The following MYO3B variants were observed in gnomAD, a reference collection of about 807,000 sequenced individuals.
MYO3B encodes the protein myosin-IIIb.
MYO3B carries 156 observed loss-of-function variants against 174.6 expected under a neutral mutation model. The observed-to-expected ratio is 0.89, with a 90% CI of 0.78 to 1.02. The LOEUF is 1.02. Ranked by LOEUF, MYO3B falls within the 50% of genes least tolerant of loss-of-function variation. The pLI is 0.00. For synonymous variants in MYO3B, 563 were observed against 569.1 expected, an observed-to-expected ratio of 0.99 and a Z score of 0.15; for missense variants, 1,632 against 1,639.4, an observed-to-expected ratio of 1.00 and a Z score of 0.08.
chr2:170,252,821 G>A (rs369119858), intron 7 of MYO3B, among the ~76,000 whole-genome samples: 2 of 152,134 alleles, frequency 1.3e-5, no homozygotes, highest in African/African-American at 4.8e-5. Flanking sequence ...GCCACATTTG[G>A]AGGAAACATA....
At chr2:170,581,041 A>G (rs193003238) in intron 32 of MYO3B, among the ~76,000 whole-genome samples, 1 of 152,276 alleles carries the variant, frequency 6.6e-6, no homozygotes, top group East Asian at 1.9e-4. Context: ...ATATCTCCCT[A>G]GGAAGGAATT....
chr2:170,230,853 G>T (rs926847039), intron 6 of MYO3B, among the ~76,000 whole-genome samples: 1 of 152,116 alleles, frequency 6.6e-6, no homozygotes. Flanking sequence ...TGAAAAAGGG[G>T]TTGCTTGGTT....
intron 32 of MYO3B, among the ~76,000 whole-genome samples, chr2:170,575,437 T>TA (rs1302832815): frequency 2.6e-5 from 4 of 152,116 alleles, no homozygotes; most frequent in African/African-American, 4.8e-5. Flanking sequence ...CATTGTAGGG[T>TA]AAAAAAAGCA....
At chr2:170,359,603 T>C (rs2094146383) in intron 8 of MYO3B, among the ~76,000 whole-genome samples, 1 of 152,164 alleles carries the variant, frequency 6.6e-6, no homozygotes, top group South Asian at 2.1e-4. Flanking sequence ...TCTACTCATA[T>C]CCCTAGATGA....
intron 7 of MYO3B, among the ~76,000 whole-genome samples, chr2:170,251,512 A>G (rs989774474): frequency 2.6e-5 from 4 of 152,188 alleles, no homozygotes; most frequent in African/African-American, 9.7e-5. Context: ...ATCAAGCTGA[A>G]TGAAGTCATC....
Position 170,267,119 on chromosome 2 carries a change from G to A in MYO3B, c.749+30983G>A, listed in dbSNP as rs200063524. Among the ~76,000 whole-genome samples the A allele has an allele frequency of 2.1e-3, 297 of 139,088 alleles. 8 individuals are homozygous for A. The East Asian group carries it at 0.036, about 17-fold the overall frequency. 91.2% of individuals were successfully genotyped at this position (139,088 alleles called of 152,430 possible). ...CTCAACAGATGAAAGTTTATTTTTT[G>A]TTCACAGAAAACTCAAACAGCAGCT... On this transcript the variant is annotated intron_variant, in intron 7 of 34. Transcript: ENST00000408978.
At chr2:170,599,926 GTTTATC>G (rs755423540) in intron 32 of MYO3B, among the ~76,000 whole-genome samples, 6 of 151,822 alleles carry the variant, frequency 4.0e-5, no homozygotes, top group Non-Finnish European at 7.4e-5. Flanking sequence ...TCCTTAAAAT[GTTTATC>G]TTTATCTAGG....
chr2:170,495,432 T>G (rs1686803382), intron 25 of MYO3B, among the ~76,000 whole-genome samples: 1 of 152,248 alleles, frequency 6.6e-6, no homozygotes. Flanking sequence ...CATATAGTAC[T>G]GTTACCCATG....
intron 30 of MYO3B, among the ~76,000 whole-genome samples, chr2:170,537,316 T>C (rs1434382155): frequency 1.3e-5 from 2 of 151,458 alleles, no homozygotes; most frequent in Admixed American, 1.3e-4. Context: ...ACCACTGTAC[T>C]CCATCCTGGG....
chr2:170,246,215 C>T (rs1004262863), intron 7 of MYO3B, among the ~76,000 whole-genome samples: 1 of 152,116 alleles, frequency 6.6e-6, no homozygotes, highest in African/African-American at 2.4e-5. Flanking sequence ...CTTGCTCCTA[C>T]CTTCCCAATT....
At chr2:170,615,661 A>G (rs1045810721) in intron 32 of MYO3B, among the ~76,000 whole-genome samples, 5 of 152,268 alleles carry the variant, frequency 3.3e-5, no homozygotes, top group African/African-American at 7.2e-5. Flanking sequence ...GCAGATTAGT[A>G]TTGCAGGATC....
In MYO3B at chr2:170,467,802, G is replaced by A. The variant is rs1490576790; in HGVS notation, c.3014+1091G>A. Among the ~76,000 whole-genome samples the A allele has an allele frequency of 2.3e-4, 23 of 100,906 alleles. 1 individual carries two copies. The highest frequency in any genetic ancestry group is 2.1e-3 in the Admixed American group (22 of 10,500). 66.2% of individuals were successfully genotyped at this position (100,906 alleles called of 152,430 possible). On this transcript the variant is annotated intron_variant, in intron 25 of 34. Transcript: ENST00000408978. ...TCTCCCAAACTCTGCTAAATTCCAT[G>A]GAAAAGATAAGGCAAAAAAAAAAAA...
At chr2:170,472,442 C>T (rs1276424254) in intron 25 of MYO3B, among the ~76,000 whole-genome samples, 1 of 152,200 alleles carries the variant, frequency 6.6e-6, no homozygotes. Context: ...AATCTGCCTT[C>T]TCCAAGCCCT....
chr2:170,454,893 T>C (rs747139461), intron 23 of MYO3B, among the ~76,000 whole-genome samples: 5 of 152,156 alleles, frequency 3.3e-5, no homozygotes, highest in Admixed American at 2.6e-4. Flanking sequence ...GGAGTTCTGA[T>C]TGGTCAGTTC....
At chr2:170,536,941 C>T (rs141126669) in intron 30 of MYO3B, among the ~76,000 whole-genome samples, 2,190 of 152,096 alleles carry the variant, frequency 0.014, 19 homozygotes, top group Middle Eastern at 0.02. Context: ...GTGGCTCACG[C>T]CTGTAATCCC....
At chr2:170,336,968 A>T (rs2093950873) in intron 8 of MYO3B, among the ~76,000 whole-genome samples, 1 of 151,178 alleles carries the variant, frequency 6.6e-6, no homozygotes, top group Non-Finnish European at 1.5e-5. Context: ...TTGGAACATG[A>T]CCATGAAGTT....
chr2:170,424,483 G>T (rs2105866920), intron 22 of MYO3B, among the ~76,000 whole-genome samples: 1 of 152,212 alleles, frequency 6.6e-6, no homozygotes, highest in South Asian at 2.1e-4. Context: ...TGGGCATGTT[G>T]GTGCGTGCCT....
chr2:170,429,214 A>C lies in MYO3B; in HGVS notation c.2651-14753A>C, dbSNP rs140459916. ...TTGCTCCTGCCTGAGCATTTTATTT[A>C]GGATTCTATTCTTAGACTGTGGAAT... On this transcript the variant is annotated intron_variant, in intron 22 of 34. Transcript: ENST00000408978. Among the ~76,000 whole-genome samples the C allele has an allele frequency of 2.3e-3, 346 of 152,304 alleles. 2 individuals are homozygous for C. The Middle Eastern group carries it at 0.024, about 10-fold the overall frequency.
chr2:170,353,943 T>A (rs1352560082), intron 8 of MYO3B, among the ~76,000 whole-genome samples: 1 of 152,210 alleles, frequency 6.6e-6, no homozygotes, highest in Non-Finnish European at 1.5e-5. Flanking sequence ...ATCATCCACA[T>A]GATAATTGAC....
Sources: allele counts gnomAD v4.1 joint callset (sites outside exome capture counted in the v4.1 genomes callset), GRCh38; gene constraint gnomAD v4.1.1; transcripts MANE v1.5; gene names NCBI Gene and HGNC (gene_info 2026-07-23, HGNC 2026-07-21).